The following CFAP54 variants were observed in gnomAD, a reference collection of about 807,000 sequenced individuals.
CFAP54 encodes the protein cilia- and flagella-associated protein 54.
Under a neutral mutation model 370.4 loss-of-function variants are expected in CFAP54, and 290 were observed. That is an observed-to-expected ratio of 0.78 (90% confidence interval 0.71 to 0.86). CFAP54 has a LOEUF of 0.86. Among genes scored for constraint, CFAP54 ranks in the 40% least tolerant of loss-of-function variants. CFAP54 has a pLI of 0.00. For missense variants in CFAP54, 3,399 were observed against 3,528.7 expected, an observed-to-expected ratio of 0.96 and a Z score of 0.93; for synonymous variants, 1,206 against 1,236.5, an observed-to-expected ratio of 0.98 and a Z score of 0.52.
intron 63 of CFAP54, among the ~76,000 whole-genome samples, chr12:96,796,772 G>A (rs1432614511): frequency 5.3e-5 from 8 of 152,050 alleles, no homozygotes; most frequent in African/African-American, 1.9e-4. Context: ...TAATGTGTTT[G>A]TAATGATGTA....
chr12:96,667,414 T>C (rs1957094191), intron 39 of CFAP54, among the ~76,000 whole-genome samples: 1 of 152,242 alleles, frequency 6.6e-6, no homozygotes, highest in African/African-American at 2.4e-5. Context: ...GGTGTTTCCA[T>C]ATATCCTCTG....
intron 38 of CFAP54, 54 bp downstream of exon 38, chr12:96,658,400 C>T (rs1311652090): frequency 1.3e-6 from 2 of 1,565,808 alleles, no homozygotes; most frequent in East Asian, 2.2e-5. Context: ...AATTAGTCCA[C>T]ATATAAAATA....
chr12:96,791,011 A>G (rs2136700803), intron 62 of CFAP54, among the ~76,000 whole-genome samples: 1 of 152,318 alleles, frequency 6.6e-6, no homozygotes, highest in Non-Finnish European at 1.5e-5. Flanking sequence ...CCTTATAGAA[A>G]CACCAGGCAT....
intron 45 of CFAP54, among the ~76,000 whole-genome samples, chr12:96,694,571 GAC>G (rs1957420928): frequency 1.3e-5 from 2 of 152,092 alleles, no homozygotes; most frequent in Non-Finnish European, 2.9e-5. Flanking sequence ...AAATTAGGAA[GAC>G]AGAGAAATTT....
At chr12:96,512,751 G>A (rs1955187355) in intron 4 of CFAP54, among the ~76,000 whole-genome samples, 1 of 152,180 alleles carries the variant, frequency 6.6e-6, no homozygotes, top group Admixed American at 6.5e-5. Flanking sequence ...CCTGTAAAAT[G>A]AGACTAGAAG....
At chr12:96,715,811 G>A (rs1344843990) in intron 48 of CFAP54, among the ~76,000 whole-genome samples, 1 of 151,858 alleles carries the variant, frequency 6.6e-6, no homozygotes, top group Non-Finnish European at 1.5e-5. Context: ...TATTTTTATT[G>A]TCTTCCCACC....
At chr12:96,573,863 A>G (rs951503616) in intron 19 of CFAP54, among the ~76,000 whole-genome samples, 5 of 152,172 alleles carry the variant, frequency 3.3e-5, no homozygotes, top group African/African-American at 1.2e-4. Context: ...TTCCCATACG[A>G]AGGAATGGTT....
At chr12:96,820,521 C>G (rs960968812) in intron 65 of CFAP54, among the ~76,000 whole-genome samples, 1 of 152,038 alleles carries the variant, frequency 6.6e-6, no homozygotes, top group African/African-American at 2.4e-5. Context: ...TTGCAAAATG[C>G]CACTTTTCAG....
intron 39 of CFAP54, among the ~76,000 whole-genome samples, chr12:96,679,349 C>T (rs1456184270): frequency 6.7e-6 from 1 of 150,018 alleles, no homozygotes; most frequent in African/African-American, 2.5e-5. Context: ...TTGGCAAGAT[C>T]TAAAGTTATT....
chr12:96,498,384 G>A (rs956630392), intron 1 of CFAP54, among the ~76,000 whole-genome samples: 3 of 152,236 alleles, frequency 2.0e-5, no homozygotes, highest in Non-Finnish European at 2.9e-5. Context: ...GCCGGGCACC[G>A]TGGCTCACGC....
intron 43 of CFAP54, 146 bp downstream of exon 43, chr12:96,689,128 T>A: frequency 1.9e-6 from 1 of 516,742 alleles, no homozygotes. Context: ...TTTCTCTTGC[T>A]GGCTGAACCC....
At chr12:96,847,920 G>A (rs192286477) in intron 66 of CFAP54, among the ~76,000 whole-genome samples, 1 of 152,210 alleles carries the variant, frequency 6.6e-6, no homozygotes, top group Non-Finnish European at 1.5e-5. Flanking sequence ...CAATGGTAGT[G>A]ATGGTGATGG....
chr12:96,672,317 G>A (rs1343740191), intron 39 of CFAP54, among the ~76,000 whole-genome samples: 1 of 152,086 alleles, frequency 6.6e-6, no homozygotes, highest in Non-Finnish European at 1.5e-5. Flanking sequence ...AGAAAGAAAG[G>A]AAAGAATAAA....
chr12:96,501,929 G>C (rs574005465), intron 2 of CFAP54, among the ~76,000 whole-genome samples: 1 of 152,336 alleles, frequency 6.6e-6, no homozygotes, highest in South Asian at 2.1e-4. Flanking sequence ...AGAAACCTGG[G>C]TGAGATTCAA....
In CFAP54 at chr12:96,527,275, G is replaced by T. The variant is rs768677310; in HGVS notation, c.1188G>T (p.Arg396=). The T allele has an allele frequency of 6.5e-7, 1 of 1,528,414 alleles. No homozygotes were observed. Among genetic ancestry groups the T allele is most frequent in the Non-Finnish European group, 8.7e-7 (1 of 1,144,096 alleles). The allele number at this position is 1,528,414 out of a possible 1,614,324, so 94.7% of individuals were successfully genotyped here. A position where few individuals can be genotyped will look rare whatever the true frequency, so the allele number is the denominator to read the frequency against. ...TLSWPRTVTE[R]LLDEMFDSTA... is the part of the protein sequence containing the mutation. ...CATGGCCACGAACTGTCACAGAGCG[G>T]CTACTGGATGAGATGTTTGATAGCA... The change falls in exon 9 of 68, where the codon CGG becomes CGT. Residue 396 remains arginine (R), a synonymous_variant. Transcript: ENST00000524981.
At chr12:96,513,134 C>A (rs1955191513) in intron 5 of CFAP54, 90 bp downstream of exon 5, 1 of 498,110 alleles carries the variant, frequency 2.0e-6, no homozygotes. Context: ...GAATGTTAAA[C>A]AAGGAATATT....
At chr12:96,511,603 A>G (rs539291901) in intron 4 of CFAP54, among the ~76,000 whole-genome samples, 1 of 135,048 alleles carries the variant, frequency 7.4e-6, no homozygotes, top group Admixed American at 7.3e-5. Flanking sequence ...CAGGTGTGAG[A>G]CACCACGCCC....
chr12:96,733,234 A>G (rs1957941717), intron 50 of CFAP54, among the ~76,000 whole-genome samples: 1 of 152,188 alleles, frequency 6.6e-6, no homozygotes, highest in South Asian at 2.1e-4. Context: ...TACTGTCAAG[A>G]TGAATGAGTT....
rs144724160 is a variant in CFAP54, at chr12:96,785,048, T to C, written c.8455+158T>C. The stretch of plus-strand genomic sequence containing the variant: ...GGGTTCTTAACCTGGGATACATGCA[T>C]CTTTGGATAGAATAGTACTTCAATG... On this transcript the variant is annotated intron_variant, in intron 61 of 67. Transcript: ENST00000524981. Among the ~76,000 whole-genome samples the C allele has an allele frequency of 8.5e-3, 1,295 of 152,326 alleles. 7 individuals carry two copies. Among genetic ancestry groups the C allele is most frequent in the Non-Finnish European group, 0.014 (960 of 68,024 alleles).
Sources: allele counts gnomAD v4.1 joint callset (sites outside exome capture counted in the v4.1 genomes callset), GRCh38; gene constraint gnomAD v4.1.1; transcripts MANE v1.5; gene names NCBI Gene and HGNC (gene_info 2026-07-23, HGNC 2026-07-21).